The following VWA3B variants were observed in gnomAD, a reference collection of about 807,000 sequenced individuals.
The protein encoded by VWA3B is von Willebrand factor A domain-containing protein 3B.
Under a neutral mutation model 158.3 loss-of-function variants are expected in VWA3B, and 138 were observed. The ratio of observed to expected loss-of-function variants is 0.87; its 90% CI spans 0.76 to 1.00. VWA3B has a LOEUF of 1.00. Ranked by LOEUF, VWA3B falls within the 50% of genes least tolerant of loss-of-function variation. VWA3B has a pLI of 0.00. For synonymous variants in VWA3B, 596 were observed against 587.3 expected, an observed-to-expected ratio of 1.01 and a Z score of -0.21; for missense variants, 1,555 against 1,565.1, an observed-to-expected ratio of 0.99 and a Z score of 0.11.
chr2:98,307,089 C>G (rs956820091), intron 26 of VWA3B, among the ~76,000 whole-genome samples: 2 of 152,220 alleles, frequency 1.3e-5, no homozygotes, highest in Non-Finnish European at 2.9e-5. Flanking sequence ...ACTTACTTTA[C>G]AAATGTGTTC....
At chr2:98,129,356 G>GAGAGAGAC (rs1053592084) in intron 6 of VWA3B, among the ~76,000 whole-genome samples, 6 of 151,838 alleles carry the variant, frequency 4.0e-5, no homozygotes, top group Non-Finnish European at 7.4e-5. Flanking sequence ...CGGAGAAAGA[G>GAGAGAGAC]AGAGAGACAG....
At position 98,159,198 on chromosome 2, in the gene VWA3B, C is replaced by T. The variant is rs575674006; in HGVS notation, c.989-3653C>T. On this transcript the variant is annotated intron_variant, in intron 7 of 27. Coordinates refer to ENST00000477737, the MANE Select transcript of VWA3B (RefSeq NM_144992.5). The stretch of plus-strand genomic sequence containing the variant: ...AACAGCAGCAGACTGTGACATTGCT[C>T]CCAGGTATGTTAGCATTTTAACACG... 8.5e-5 allele frequency among the ~76,000 whole-genome samples: 13 copies of T among 152,246 alleles called. No homozygotes were observed. The East Asian group carries it at 2.1e-3, about 25-fold the overall frequency.
chr2:98,190,358 G>A (rs1403634575), intron 10 of VWA3B, among the ~76,000 whole-genome samples: 2 of 152,104 alleles, frequency 1.3e-5, no homozygotes, highest in African/African-American at 2.4e-5. Flanking sequence ...TTCTGTGCAT[G>A]CATTACACAA....
At chr2:98,170,826 CTA>C (rs1279373979) in intron 8 of VWA3B, among the ~76,000 whole-genome samples, 2 of 152,154 alleles carry the variant, frequency 1.3e-5, no homozygotes, top group Non-Finnish European at 2.9e-5. Flanking sequence ...AGGATGGTCT[CTA>C]TCTCTTGCCC....
intron 14 of VWA3B, 98 bp from the exon 15 acceptor site, chr2:98,228,104 C>T: frequency 7.2e-7 from 1 of 1,387,116 alleles, no homozygotes; most frequent in Non-Finnish European, 9.6e-7. Flanking sequence ...GCGTGGGCAA[C>T]ATAGTGAACC....
chr2:98,183,960 C>T (rs1361665743), intron 9 of VWA3B, among the ~76,000 whole-genome samples: 1 of 152,232 alleles, frequency 6.6e-6, no homozygotes, highest in Non-Finnish European at 1.5e-5. Flanking sequence ...CAGAATTGAG[C>T]ATTTATGGAA....
chr2:98,274,684 C>A (rs552459890), intron 22 of VWA3B, among the ~76,000 whole-genome samples: 9 of 152,060 alleles, frequency 5.9e-5, no homozygotes, highest in Non-Finnish European at 1.2e-4. Context: ...AAATGGACAC[C>A]AGGGAGGGGT....
intron 7 of VWA3B, among the ~76,000 whole-genome samples, chr2:98,147,252 T>C (rs551713667): frequency 2.8e-4 from 42 of 152,324 alleles, no homozygotes; most frequent in African/African-American, 9.9e-4. Flanking sequence ...GGTGCATGCA[T>C]ACATTATCTC....
chr2:98,160,666 C>T (rs1176498431), intron 7 of VWA3B, among the ~76,000 whole-genome samples: 1 of 152,210 alleles, frequency 6.6e-6, no homozygotes, highest in Non-Finnish European at 1.5e-5. Context: ...CTTAACACCT[C>T]CAGGCTGAAG....
the VWA3B span, among the ~76,000 whole-genome samples, chr2:98,323,901 C>T: frequency 6.6e-6 from 1 of 152,180 alleles, no homozygotes; most frequent in Non-Finnish European, 1.5e-5. Flanking sequence ...AAAGACCCTC[C>T]ACCAAAGTAA....
chr2:98,277,349 C>T (rs1465339470), intron 22 of VWA3B, among the ~76,000 whole-genome samples: 2 of 152,152 alleles, frequency 1.3e-5, no homozygotes, highest in South Asian at 2.1e-4. Context: ...GGGAAGTTGC[C>T]GGAGGGCATC....
At position 98,253,349 on chromosome 2, in the gene VWA3B, A is replaced by G. The variant is rs141848033; in HGVS notation, c.2793-2775A>G. 8.6e-3 allele frequency among the ~76,000 whole-genome samples: 1,314 copies of G among 152,302 alleles called. 26 individuals are homozygous for G. The highest frequency in any genetic ancestry group is 0.031 in the African/African-American group (1,273 of 41,528). ...GGATGACCAGGCAAATGGAAAGCTCACAGTCCTTTGGTCAAAATAATGACA... is the reference window on the plus strand; with the variant it reads ...GGATGACCAGGCAAATGGAAAGCTCGCAGTCCTTTGGTCAAAATAATGACA... On this transcript the variant is annotated intron_variant, in intron 20 of 27. Coordinates refer to ENST00000477737, the MANE Select transcript of VWA3B (RefSeq NM_144992.5).
At chr2:98,237,424 G>A (rs1214679873) in intron 19 of VWA3B, among the ~76,000 whole-genome samples, 1 of 152,134 alleles carries the variant, frequency 6.6e-6, no homozygotes, top group African/African-American at 2.4e-5. Context: ...TGTAGCTAAA[G>A]GAAAAAGTTA....
At chr2:98,218,788 G>A (rs748263988) in intron 14 of VWA3B, among the ~76,000 whole-genome samples, 28 of 152,156 alleles carry the variant, frequency 1.8e-4, no homozygotes, top group Non-Finnish European at 3.8e-4. Context: ...CTTCATGTGA[G>A]TGAACTACCT....
chr2:98,148,537 A>G (rs1677354955), intron 7 of VWA3B, among the ~76,000 whole-genome samples: 1 of 152,202 alleles, frequency 6.6e-6, no homozygotes, highest in Non-Finnish European at 1.5e-5. Context: ...TTGCACAGTA[A>G]CTGTAATCTA....
At chr2:98,191,016 T>C (rs1681531611) in intron 10 of VWA3B, among the ~76,000 whole-genome samples, 1 of 152,220 alleles carries the variant, frequency 6.6e-6, no homozygotes, top group South Asian at 2.1e-4. Context: ...GGCCACTAAT[T>C]ATCTCTGATG....
At chr2:98,155,816 T>G (rs1416489582) in intron 7 of VWA3B, among the ~76,000 whole-genome samples, 1 of 152,152 alleles carries the variant, frequency 6.6e-6, no homozygotes, top group Non-Finnish European at 1.5e-5. Flanking sequence ...CTGCCTTCTC[T>G]TGTGAGCATT....
Position 98,236,793 on chromosome 2 carries a change from T to C in VWA3B, c.2673+63T>C, listed in dbSNP as rs376858343. ...TTTCATTTTCTGCTCAAATAAAAAG[T>C]AGTCCAATTTCTTGTGTGGTTGTAA... On this transcript the variant is annotated intron_variant, in intron 19 of 27. Transcript: ENST00000477737. 41 of 1,544,742 alleles carry C rather than the reference T, an allele frequency of 2.7e-5. No individual in the cohort carries two copies. In the East Asian group the frequency reaches 8.8e-4, roughly 33 times the overall value.
At chr2:98,176,920 C>T (rs1680060816) in intron 8 of VWA3B, among the ~76,000 whole-genome samples, 1 of 152,198 alleles carries the variant, frequency 6.6e-6, no homozygotes, top group African/African-American at 2.4e-5. Context: ...TCTAGAGTTC[C>T]AGTTTATTCA....
Sources: allele counts gnomAD v4.1 joint callset (sites outside exome capture counted in the v4.1 genomes callset), GRCh38; gene constraint gnomAD v4.1.1; transcripts MANE v1.5; gene names NCBI Gene and HGNC (gene_info 2026-07-23, HGNC 2026-07-21).